Variants in FREM1 observed in about 807,000 individuals in gnomAD.
The protein encoded by FREM1 is FRAS1-related extracellular matrix protein 1.
FREM1 carries 220 observed loss-of-function variants against 210.1 expected under a neutral mutation model. The ratio of observed to expected loss-of-function variants is 1.05; its 90% CI spans 0.94 to 1.17. FREM1 has a LOEUF of 1.17. Ranked by LOEUF, FREM1 falls within the 50% of genes most tolerant of loss-of-function variation. FREM1 has a pLI of 0.00. For missense variants in FREM1, 3,454 were observed against 2,675.5 expected, an observed-to-expected ratio of 1.29 and a Z score of -6.42; for synonymous variants, 1,189 against 980.2, an observed-to-expected ratio of 1.21 and a Z score of -3.98.
chr9:14,776,218 C>T lies in FREM1; in HGVS notation c.4443-15G>A, dbSNP rs999551099. 4 of 1,510,954 alleles carry T rather than the reference C, an allele frequency of 2.6e-6. No individual in the cohort carries two copies. Among genetic ancestry groups the T allele is most frequent in the Middle Eastern group, 1.8e-4 (1 of 5,594 alleles). The allele number at this position is 1,510,954 out of a possible 1,614,324, so 93.6% of individuals were successfully genotyped here. On this transcript the variant is annotated splice_polypyrimidine_tract_variant and intron_variant, in intron 24 of 36. Transcript: ENST00000380880. ...TGATGATGAATCTGGTAAAGAGAGG[C>T]AAGGCAGCCTTCAGCATGGATTCTT...
At chr9:14,750,062 T>C (rs1284010691) in intron 30 of FREM1, 65 bp downstream of exon 30, 2 of 1,531,506 alleles carry the variant, frequency 1.3e-6, no homozygotes, top group Non-Finnish European at 1.8e-6. Context: ...GCACGTTGGC[T>C]GTTGAAGGCA....
chr9:14,747,584 G>A (rs1392973946), intron 32 of FREM1, 97 bp downstream of exon 32: 11 of 1,019,490 alleles, frequency 1.1e-5, no homozygotes, highest in Non-Finnish European at 1.5e-5. Context: ...AATTTTTTAA[G>A]AGAAATGTAT....
At chr9:14,872,686 C>A (rs1477945323) in intron 1 of FREM1, among the ~76,000 whole-genome samples, 1 of 149,994 alleles carries the variant, frequency 6.7e-6, no homozygotes, top group East Asian at 2.1e-4. Context: ...ATTGCCCTGG[C>A]CAGAACTTCC....
intron 1 of FREM1, among the ~76,000 whole-genome samples, chr9:14,906,481 T>A (rs930503417): frequency 3.3e-5 from 5 of 152,234 alleles, no homozygotes; most frequent in Admixed American, 2.0e-4. Flanking sequence ...GTTGTCTTTC[T>A]AAGGTGTAGG....
intron 27 of FREM1, among the ~76,000 whole-genome samples, chr9:14,766,144 G>A (rs1846362616): frequency 6.6e-6 from 1 of 152,158 alleles, no homozygotes; most frequent in Non-Finnish European, 1.5e-5. Context: ...TTACTTAAAA[G>A]CCTTGAGCTT....
At chr9:14,792,955 G>T in intron 21 of FREM1, 71 bp from the exon 22 acceptor site, 1 of 900,262 alleles carries the variant, frequency 1.1e-6, no homozygotes, top group Non-Finnish European at 1.6e-6. Flanking sequence ...CACTTATATT[G>T]ACTATCACAG....
chr9:14,814,109 A>G (rs1374646769), intron 15 of FREM1, among the ~76,000 whole-genome samples: 2 of 151,722 alleles, frequency 1.3e-5, no homozygotes, highest in African/African-American at 4.8e-5. Context: ...TCTGTCCCCA[A>G]CTCTTTGCTT....
At position 14,792,886 on chromosome 9, in the gene FREM1, T is replaced by C. The variant is rs1380643285; in HGVS notation, c.3840-2A>G. ...ATATTCATTGCAATTTCAGCCTTCC[T>C]GTAAAAAGAAAAATGTCTGGGTTGA... On this transcript the variant is annotated splice_acceptor_variant, in intron 21 of 36. Coordinates refer to ENST00000380880, the MANE Select transcript of FREM1 (RefSeq NM_001379081.2). LOFTEE classifies it high-confidence loss of function. The C allele has an allele frequency of 2.6e-6, 4 of 1,560,520 alleles. No homozygotes were observed. Among genetic ancestry groups the C allele is most frequent in the Middle Eastern group, 1.7e-4 (1 of 5,936 alleles).
intron 35 of FREM1, among the ~76,000 whole-genome samples, chr9:14,740,644 AAACT>A (rs1587621221): frequency 6.6e-6 from 1 of 152,228 alleles, no homozygotes; most frequent in Non-Finnish European, 1.5e-5. Context: ...AAGTTAACCC[AAACT>A]AACTATTTAG....
At chr9:14,873,074 T>A (rs1042935354) in intron 1 of FREM1, among the ~76,000 whole-genome samples, 3 of 152,202 alleles carry the variant, frequency 2.0e-5, no homozygotes, top group African/African-American at 7.2e-5. Context: ...GGTTTGCCAG[T>A]ATCTTATTGA....
chr9:14,898,212 T>C (rs1838093917), intron 1 of FREM1, among the ~76,000 whole-genome samples: 1 of 152,166 alleles, frequency 6.6e-6, no homozygotes, highest in Non-Finnish European at 1.5e-5. Flanking sequence ...TGTTTCCTCA[T>C]CTACAAAATG....
In FREM1 at chr9:14,894,911, G is replaced by A. The variant is rs149796842; in HGVS notation, c.-268+15003C>T. ...ACCAAGGCTTTGACTGGAATGGTGC[G>A]CTTTCCTTTAAGGAATTAAACTTGA... is the stretch of plus-strand genomic sequence containing the variant. On this transcript the variant is annotated intron_variant, in intron 1 of 36. Transcript: ENST00000380880. Among the ~76,000 whole-genome samples, 203 of 152,292 alleles carry A rather than the reference G, an allele frequency of 1.3e-3. 1 individual carries two copies. Among genetic ancestry groups the A allele is most frequent in the African/African-American group, 4.2e-3 (176 of 41,568 alleles).
intron 1 of FREM1, among the ~76,000 whole-genome samples, chr9:14,874,383 A>C (rs1263213916): frequency 6.6e-6 from 1 of 150,400 alleles, no homozygotes; most frequent in African/African-American, 2.5e-5. Flanking sequence ...TAGGATAGTT[A>C]GCTCTTCTTG....
intron 13 of FREM1, 81 bp from the exon 14 acceptor site, chr9:14,819,523 C>T: frequency 1.3e-6 from 1 of 755,960 alleles, no homozygotes. Context: ...CACTGTAAAA[C>T]TTCCAGTATT....
chr9:14,864,204 T>C (rs1831106540), intron 2 of FREM1, among the ~76,000 whole-genome samples: 2 of 152,362 alleles, frequency 1.3e-5, no homozygotes, highest in Middle Eastern at 6.8e-3. Flanking sequence ...CTAGAGTGCA[T>C]TTAAAACATA....
chr9:14,890,983 G>C (rs1261457619), intron 1 of FREM1, among the ~76,000 whole-genome samples: 2 of 152,204 alleles, frequency 1.3e-5, no homozygotes, highest in Non-Finnish European at 2.9e-5. Flanking sequence ...AACTTAAGCA[G>C]AGTGAAAAAC....
At chr9:14,767,170 G>A (rs989823417) in intron 27 of FREM1, among the ~76,000 whole-genome samples, 7 of 152,078 alleles carry the variant, frequency 4.6e-5, no homozygotes, top group East Asian at 3.9e-4. Context: ...CTCCAAGTTC[G>A]GTGGTTTATT....
chr9:14,904,306 T>TTG (rs1163201219), intron 1 of FREM1, among the ~76,000 whole-genome samples: 5 of 152,106 alleles, frequency 3.3e-5, no homozygotes, highest in Admixed American at 6.5e-5. Flanking sequence ...TTCTAAATCT[T>TTG]TAAACAAAGA....
intron 27 of FREM1, among the ~76,000 whole-genome samples, chr9:14,768,860 G>A (rs904952895): frequency 6.6e-6 from 1 of 152,142 alleles, no homozygotes; most frequent in African/African-American, 2.4e-5. Context: ...CACTTATGAT[G>A]CTTAGTATGA....
Sources: allele counts gnomAD v4.1 joint callset (sites outside exome capture counted in the v4.1 genomes callset), GRCh38; gene constraint gnomAD v4.1.1; transcripts MANE v1.5; gene names NCBI Gene and HGNC (gene_info 2026-07-23, HGNC 2026-07-21).